The following NPSR1 variants were observed in gnomAD, a reference collection of about 807,000 sequenced individuals.
NPSR1 encodes neuropeptide S receptor.
A neutral mutation model predicts 46.9 loss-of-function variants in NPSR1; 48 were observed. The ratio of observed to expected loss-of-function variants is 1.02; its 90% CI spans 0.81 to 1.30. NPSR1 has a LOEUF of 1.30. Among genes scored for constraint, NPSR1 ranks in the 50% most tolerant of loss-of-function variants. NPSR1 has a pLI of 0.00. For missense variants in NPSR1, 450 were observed against 449.5 expected (o/e 1.00, Z -0.01); for synonymous variants, 176 against 168.1 (o/e 1.05, Z -0.36).
At chr7:34,837,334 G>A (rs1045933461) in intron 6 of NPSR1, among the ~76,000 whole-genome samples, 2 of 152,196 alleles carry the variant, frequency 1.3e-5, no homozygotes, top group African/African-American at 4.8e-5. Context: ...GCACTTCTCT[G>A]TATAAATGTC....
At chr7:34,875,349 G>T (rs920123397) in intron 8 of NPSR1, among the ~76,000 whole-genome samples, 1 of 152,190 alleles carries the variant, frequency 6.6e-6, no homozygotes, top group Admixed American at 6.5e-5. Context: ...ATTTTAAAAA[G>T]ATCCCCAGAT....
chr7:34,738,704 T>C (rs1179576701), intron 2 of NPSR1, among the ~76,000 whole-genome samples: 1 of 152,198 alleles, frequency 6.6e-6, no homozygotes, highest in Non-Finnish European at 1.5e-5. Context: ...TTGATTTATA[T>C]ACCATTATTC....
intron 1 of NPSR1, among the ~76,000 whole-genome samples, chr7:34,675,007 T>G (rs375713009): frequency 6.6e-6 from 1 of 152,166 alleles, no homozygotes; most frequent in Non-Finnish European, 1.5e-5. Context: ...ACTACTAGAG[T>G]AAGCAGGGCA....
intron 8 of NPSR1, among the ~76,000 whole-genome samples, chr7:34,874,990 C>G (rs1469211061): frequency 6.6e-6 from 1 of 152,200 alleles, no homozygotes; most frequent in East Asian, 1.9e-4. Flanking sequence ...TATCACTTAT[C>G]TCACCTGGTG....
intron 6 of NPSR1, among the ~76,000 whole-genome samples, chr7:34,844,538 G>C (rs1429416013): frequency 6.6e-6 from 1 of 152,068 alleles, no homozygotes; most frequent in African/African-American, 2.4e-5. Flanking sequence ...GTGGCCACAT[G>C]GGTGTCTCAG....
chr7:34,718,144 G>A (rs189343175), intron 2 of NPSR1, among the ~76,000 whole-genome samples: 35 of 152,118 alleles, frequency 2.3e-4, no homozygotes, highest in Admixed American at 8.5e-4. Flanking sequence ...AAGTTAAAGT[G>A]GAAAATTCTT....
At chr7:34,713,345 C>G (rs1001457227) in intron 2 of NPSR1, among the ~76,000 whole-genome samples, 3 of 151,982 alleles carry the variant, frequency 2.0e-5, no homozygotes. Flanking sequence ...GAGGAAAATG[C>G]CCAAAAATAT....
chr7:34,801,655 GC>G (rs1376438733), intron 3 of NPSR1, among the ~76,000 whole-genome samples: 2 of 145,422 alleles, frequency 1.4e-5, no homozygotes, highest in Non-Finnish European at 3.0e-5. Flanking sequence ...TTGAAAACTG[GC>G]ACAAGACAGG....
chr7:34,749,231 G>C (rs1785377757), intron 2 of NPSR1, among the ~76,000 whole-genome samples: 1 of 152,164 alleles, frequency 6.6e-6, no homozygotes, highest in Non-Finnish European at 1.5e-5. Flanking sequence ...TAATGCCTGG[G>C]AATGGGGGAA....
At chr7:34,786,966 A>T (rs1787493415) in intron 3 of NPSR1, among the ~76,000 whole-genome samples, 1 of 152,158 alleles carries the variant, frequency 6.6e-6, no homozygotes, top group Non-Finnish European at 1.5e-5. Flanking sequence ...ATCAATGAGC[A>T]TTGGCTTCAA....
intron 5 of NPSR1, among the ~76,000 whole-genome samples, chr7:34,833,793 G>A (rs896565642): frequency 6.6e-6 from 1 of 152,194 alleles, no homozygotes; most frequent in Admixed American, 6.5e-5. Flanking sequence ...CAGGTCCTTA[G>A]CAGAATTCAT....
chr7:34,758,060 G>A (rs1010986134), intron 2 of NPSR1: 1 of 152,468 alleles, frequency 6.6e-6, no homozygotes, highest in Non-Finnish European at 1.5e-5. Context: ...CTAATACTTG[G>A]GTGAGTTACT....
chr7:34,697,868 A>T (rs1249312244), intron 2 of NPSR1, among the ~76,000 whole-genome samples: 2 of 152,056 alleles, frequency 1.3e-5, no homozygotes, highest in Non-Finnish European at 2.9e-5. Flanking sequence ...TTAACCTCAA[A>T]TGTATCAGTA....
chr7:34,826,922 T>C (rs575011179), intron 4 of NPSR1, among the ~76,000 whole-genome samples: 3 of 151,492 alleles, frequency 2.0e-5, no homozygotes, highest in Non-Finnish European at 4.4e-5. Context: ...TTCCTTCCCA[T>C]TTGGCAAATA....
At chr7:34,724,738 C>A (rs921745288) in intron 2 of NPSR1, among the ~76,000 whole-genome samples, 3 of 152,042 alleles carry the variant, frequency 2.0e-5, no homozygotes, top group Non-Finnish European at 4.4e-5. Context: ...CTAAGCCTCA[C>A]CTTACCTGTT....
At chr7:34,826,227 C>A (rs1398087571) in intron 4 of NPSR1, among the ~76,000 whole-genome samples, 3 of 152,154 alleles carry the variant, frequency 2.0e-5, no homozygotes, top group African/African-American at 7.2e-5. Flanking sequence ...CTCCTGCTTG[C>A]TCAGTGGGCC....
chr7:34,870,452 A>G (rs1584161373), intron 8 of NPSR1, among the ~76,000 whole-genome samples: 2 of 151,904 alleles, frequency 1.3e-5, no homozygotes, highest in East Asian at 3.9e-4. Flanking sequence ...AATGAGCCCA[A>G]ATTGTGGAAA....
At chr7:34,875,974 T>A (rs901324617) in intron 8 of NPSR1, among the ~76,000 whole-genome samples, 2 of 152,134 alleles carry the variant, frequency 1.3e-5, no homozygotes, top group Non-Finnish European at 2.9e-5. Context: ...ACACTGTGGC[T>A]CCTTGGACAC....
rs143582659 is a variant in NPSR1, at chr7:34,662,465, G to T, written c.147+3906G>T. Reference sequence around the variant, plus strand: ...GGAGCTCCTTCCTGCCCTGGCCCCAGGACAGTGTCAGGGATGTCCTTCCTG... The same window carrying T: ...GGAGCTCCTTCCTGCCCTGGCCCCATGACAGTGTCAGGGATGTCCTTCCTG... On this transcript the variant is annotated intron_variant, in intron 1 of 8. Coordinates refer to ENST00000360581, the MANE Select transcript of NPSR1 (RefSeq NM_207172.2). Among the ~76,000 whole-genome samples the T allele has an allele frequency of 1.9e-3, 290 of 152,260 alleles. 5 individuals are homozygous for T. The highest frequency in any genetic ancestry group is 3.4e-3 in the Middle Eastern group (1 of 294).
Sources: gnomAD v4.1 joint callset for allele counts (sites outside exome capture counted in the v4.1 genomes callset) on GRCh38, gnomAD v4.1.1 for gene constraint, MANE v1.5 for transcripts, NCBI Gene and HGNC (gene_info 2026-07-23, HGNC 2026-07-21) for gene names.